SFI1: variants seen among roughly 807,000 people sequenced by gnomAD.
The protein encoded by SFI1 is SFI1 centrin binding protein, also known as protein SFI1 homolog.
SFI1 carries 195 observed loss-of-function variants against 207.5 expected under a neutral mutation model. The observed-to-expected ratio is 0.94, with a 90% CI of 0.84 to 1.06. SFI1 has a LOEUF of 1.06. Among genes scored for constraint, SFI1 ranks in the 50% least tolerant of loss-of-function variants. The pLI is 0.00. For synonymous variants in SFI1, 630 were observed against 598.9 expected (o/e 1.05, Z -0.76); for missense variants, 1,634 against 1,588.0 (o/e 1.03, Z -0.49).
intron 8 of SFI1, among the ~76,000 whole-genome samples, chr22:31,570,490 CTA>C (rs1300820506): frequency 1.4e-4 from 22 of 152,206 alleles, no homozygotes; most frequent in African/African-American, 5.3e-4. Context: ...CCACAAGAAG[CTA>C]TGTTAAGGAG....
At chr22:31,516,408 G>C (rs957975200) in intron 2 of SFI1, among the ~76,000 whole-genome samples, 5 of 151,782 alleles carry the variant, frequency 3.3e-5, no homozygotes, top group African/African-American at 1.2e-4. Context: ...AGCTACTTGG[G>C]GGGCTGAGGC....
At chr22:31,575,085 CGTGTGT>C (rs71679890) in intron 9 of SFI1, 140 bp from the exon 10 acceptor site, 19,699 of 281,920 alleles carry the variant, frequency 0.07, 290 homozygotes, top group East Asian at 0.11. Flanking sequence ...AAACTTAGTG[CGTGTGT>C]GTGTGTGTGT....
chr22:31,527,610 CTTTGTGTGTGTG>C (rs1479800881), intron 2 of SFI1, among the ~76,000 whole-genome samples: 6 of 151,988 alleles, frequency 3.9e-5, no homozygotes, highest in African/African-American at 9.7e-5. Flanking sequence ...GTATATTAAA[CTTTGTGTGTGTG>C]TTTGTGTGTA....
intron 2 of SFI1, among the ~76,000 whole-genome samples, chr22:31,525,735 TAGA>T (rs2057834169): frequency 6.9e-6 from 1 of 144,744 alleles, no homozygotes; most frequent in Non-Finnish European, 1.5e-5. Flanking sequence ...GATAGATAGA[TAGA>T]TAGATAGATA....
intron 8 of SFI1, among the ~76,000 whole-genome samples, chr22:31,564,118 G>A (rs1388422333): frequency 6.6e-6 from 1 of 151,622 alleles, no homozygotes; most frequent in Non-Finnish European, 1.5e-5. Flanking sequence ...ATGAGGTCAG[G>A]AGATGGAGAC....
intron 15 of SFI1, among the ~76,000 whole-genome samples, chr22:31,598,483 T>G (rs28873672): frequency 0.22 from 32,825 of 150,302 alleles, 4,410 homozygotes; most frequent in East Asian, 0.4. Flanking sequence ...GCAGTGGCGC[T>G]GTCTCAGCTC....
At chr22:31,589,343 T>A in intron 14 of SFI1, 104 bp from the exon 15 acceptor site, 4 of 1,092,446 alleles carry the variant, frequency 3.7e-6, no homozygotes, top group Non-Finnish European at 5.0e-6. Flanking sequence ...TTTTTCTCAT[T>A]TTTATTATAT....
chr22:31,498,783 A>G (rs1363176147), intron 1 of SFI1, among the ~76,000 whole-genome samples: 2 of 152,134 alleles, frequency 1.3e-5, no homozygotes, highest in African/African-American at 2.4e-5. Flanking sequence ...TGGAATTAGA[A>G]GGGGAGCCTA....
chr22:31,578,752 A>G (rs1178886282), intron 11 of SFI1, among the ~76,000 whole-genome samples: 4 of 152,140 alleles, frequency 2.6e-5, no homozygotes, highest in Non-Finnish European at 5.9e-5. Context: ...AAATAGGTCA[A>G]AGTAGCCATG....
At chr22:31,573,879 A>G (rs2063209302) in intron 9 of SFI1, among the ~76,000 whole-genome samples, 1 of 152,158 alleles carries the variant, frequency 6.6e-6, no homozygotes, top group Non-Finnish European at 1.5e-5. Context: ...CATCTTAAGT[A>G]TTTGTCGTAA....
intron 2 of SFI1, chr22:31,521,101 G>C (rs141071428): frequency 6.5e-6 from 1 of 152,940 alleles, no homozygotes; most frequent in Non-Finnish European, 1.5e-5. Context: ...AATTAGCCAG[G>C]TGTCATGGGG....
chr22:31,509,878 A>G (rs1299246896), intron 2 of SFI1, among the ~76,000 whole-genome samples: 1 of 151,834 alleles, frequency 6.6e-6, no homozygotes, highest in Non-Finnish European at 1.5e-5. Flanking sequence ...GTGTTCCTCT[A>G]TTTTCTGGAA....
At chr22:31,609,103 A>G (rs912588002) in intron 22 of SFI1, among the ~76,000 whole-genome samples, 1 of 151,988 alleles carries the variant, frequency 6.6e-6, no homozygotes, top group East Asian at 2.0e-4. Flanking sequence ...GGTTCAAGCG[A>G]ATCTCCTGCC....
chr22:31,523,470 T>C (rs1255729486), intron 2 of SFI1, among the ~76,000 whole-genome samples: 1 of 152,240 alleles, frequency 6.6e-6, no homozygotes, highest in Non-Finnish European at 1.5e-5. Flanking sequence ...GTTCCATAAA[T>C]TTATTTTATG....
chr22:31,583,340 C>T (rs2064602282), intron 12 of SFI1, among the ~76,000 whole-genome samples: 1 of 152,138 alleles, frequency 6.6e-6, no homozygotes, highest in Non-Finnish European at 1.5e-5. Flanking sequence ...CTCAAACTCC[C>T]AAGAACTCAG....
At position 31,616,816 on chromosome 22, in the gene SFI1, C is replaced by T. The variant is rs756568531; in HGVS notation, c.3372C>T (p.Pro1124=). The T allele has an allele frequency of 4.3e-6, 7 of 1,612,588 alleles. No individual in the cohort carries two copies. Among genetic ancestry groups the T allele is most frequent in the Non-Finnish European group, 5.9e-6 (7 of 1,179,306 alleles). ...CATCCCTGGCCAGTGTCCCTGACCC[C>T]CATCTACTCCTTCCTGGGGACTTCT... is the stretch of plus-strand genomic sequence containing the variant. ...VPSSLASVPD[P]HLLLPGDFSA... Residue 1124 remains proline, a synonymous_variant, in exon 30 of 33, where the codon CCC becomes CCT. Coordinates refer to ENST00000400288, the MANE Select transcript of SFI1 (RefSeq NM_001007467.3).
intron 2 of SFI1, 43 bp downstream of exon 2, chr22:31,508,419 G>A (rs1302904018): frequency 1.5e-6 from 2 of 1,355,642 alleles, no homozygotes; most frequent in Non-Finnish European, 2.1e-6. Context: ...TGGAATGATG[G>A]TTCATATAAA....
intron 4 of SFI1, among the ~76,000 whole-genome samples, chr22:31,540,576 A>C (rs1602367961): frequency 1.4e-5 from 2 of 143,418 alleles, no homozygotes. Flanking sequence ...CACCGCGCCC[A>C]GCCTACATTT....
chr22:31,573,263 T>TC (rs142095380), intron 9 of SFI1, 49 bp downstream of exon 9: 96,507 of 1,596,778 alleles, frequency 0.06, 3,026 homozygotes, highest in African/African-American at 0.069. Context: ...GGTCACAGTT[T>TC]CACTCTCCTG....
Sources: gnomAD v4.1 joint callset for allele counts (sites outside exome capture counted in the v4.1 genomes callset) on GRCh38, gnomAD v4.1.1 for gene constraint, MANE v1.5 for transcripts, NCBI Gene and HGNC (gene_info 2026-07-23, HGNC 2026-07-21) for gene names.